Variants in SLC9B1 observed in about 807,000 individuals in gnomAD.
SLC9B1 encodes sodium/hydrogen exchanger 9B1.
A neutral mutation model predicts 51.7 loss-of-function variants in SLC9B1; 32 were observed. The ratio of observed to expected loss-of-function variants is 0.62; its 90% CI spans 0.47 to 0.83. The LOEUF is 0.83. SLC9B1 is among the 40% of genes least tolerant of loss of function. The pLI is 0.00. For synonymous variants in SLC9B1, 145 were observed against 212.7 expected (o/e 0.68, Z 2.77); for missense variants, 406 against 613.2 (o/e 0.66, Z 3.57).
Position 103,019,648 on chromosome 4 carries a change from C to A in SLC9B1, c.-51G>T, listed in dbSNP as rs893756154. 2 of 985,372 alleles carry A rather than the reference C, an allele frequency of 2.0e-6. No homozygotes were observed. The highest frequency in any genetic ancestry group is 3.5e-5 in the African/African-American group (2 of 57,252). The allele number at this position is 985,372 out of a possible 1,614,324, so 61.0% of individuals were successfully genotyped here. The stretch of plus-strand genomic sequence containing the variant: ...CTGGCCCGGGAGCGGCCCAGGAGCC[C>A]AGTGACCGTTGCGTAAGCCACGCGC... On this transcript the variant is annotated 5_prime_UTR_variant, in exon 1 of 12. Coordinates refer to ENST00000296422, the MANE Select transcript of SLC9B1 (RefSeq NM_139173.4).
chr4:102,980,400 T>C (rs992103682), intron 3 of SLC9B1, among the ~76,000 whole-genome samples: 1 of 152,210 alleles, frequency 6.6e-6, no homozygotes, highest in Non-Finnish European at 1.5e-5. Flanking sequence ...ATACCATGGA[T>C]ACTATGCAGC....
At chr4:102,940,005 G>A (rs1736910534) in intron 6 of SLC9B1, among the ~76,000 whole-genome samples, 2 of 152,184 alleles carry the variant, frequency 1.3e-5, no homozygotes, top group Admixed American at 1.3e-4. Flanking sequence ...CCTAGCCAGT[G>A]CAATTAGGCA....
chr4:102,910,574 C>A lies in SLC9B1; in HGVS notation c.951G>T (p.Leu317Phe). Residue 317 changes from leucine to phenylalanine, a missense_variant, in exon 9 of 12, where the codon TTG becomes TTT. By Grantham distance (22) the Leu-to-Phe change is conservative. Coordinates refer to ENST00000296422, the MANE Select transcript of SLC9B1 (RefSeq NM_139173.4). ...TAGTCAAAACAAGGAATCCTCTCTT[C>A]AATGTAAGTTTTTTCTAGAATTAGA... Reference protein sequence around the residue: ...FPSEDQKKLTLKRGFLVLTMC... With the variant: ...FPSEDQKKLTFKRGFLVLTMC... 1.4e-6 allele frequency: 2 copies of A among 1,459,224 alleles called. No individual in the cohort carries two copies. Among genetic ancestry groups the A allele is most frequent in the African/African-American group, 1.5e-5 (1 of 68,354 alleles). 90.4% of individuals were successfully genotyped at this position (1,459,224 alleles called of 1,614,324 possible).
At chr4:102,975,172 T>A (rs1014971070) in intron 3 of SLC9B1, among the ~76,000 whole-genome samples, 1 of 152,090 alleles carries the variant, frequency 6.6e-6, no homozygotes, top group Non-Finnish European at 1.5e-5. Flanking sequence ...TAGCTAATTT[T>A]AAAAAAGTTT....
chr4:103,007,392 C>A (rs1476024749), intron 1 of SLC9B1, among the ~76,000 whole-genome samples: 1 of 151,928 alleles, frequency 6.6e-6, no homozygotes, highest in Non-Finnish European at 1.5e-5. Context: ...AAGAAAATAC[C>A]CTAGGAATAC....
At chr4:102,955,843 G>GAGAAAGAAAGAA (rs56088004) in intron 3 of SLC9B1, among the ~76,000 whole-genome samples, 331 of 106,834 alleles carry the variant, frequency 3.1e-3, no homozygotes, top group Middle Eastern at 4.4e-3. Context: ...GAAAGAGAGA[G>GAGAAAGAAAGAA]AGAAAGAAAG....
intron 1 of SLC9B1, among the ~76,000 whole-genome samples, chr4:103,007,817 C>A (rs1740870658): frequency 2.0e-5 from 3 of 151,998 alleles, no homozygotes; most frequent in Admixed American, 2.0e-4. Context: ...GTCTTGAACT[C>A]CTGGGCTCAA....
chr4:102,922,903 G>GCCTA (rs1735955193), intron 7 of SLC9B1, among the ~76,000 whole-genome samples: 2 of 152,100 alleles, frequency 1.3e-5, no homozygotes, highest in South Asian at 4.1e-4. Flanking sequence ...CTGAAATTGA[G>GCCTA]GCAATAATTA....
intron 1 of SLC9B1, among the ~76,000 whole-genome samples, chr4:102,997,597 T>G (rs1740294675): frequency 6.6e-6 from 1 of 152,182 alleles, no homozygotes; most frequent in Non-Finnish European, 1.5e-5. Context: ...ACATACACAG[T>G]CAGCAAATAT....
At chr4:102,980,634 C>T (rs1430917986) in intron 3 of SLC9B1, among the ~76,000 whole-genome samples, 2 of 152,034 alleles carry the variant, frequency 1.3e-5, no homozygotes, top group Non-Finnish European at 2.9e-5. Flanking sequence ...GGATGCTGAG[C>T]TTAATACCTA....
intron 7 of SLC9B1, among the ~76,000 whole-genome samples, chr4:102,928,440 G>A (rs1255165152): frequency 1.3e-5 from 2 of 152,158 alleles, no homozygotes; most frequent in Non-Finnish European, 2.9e-5. Context: ...ACTATCAGCA[G>A]TTCGGTCAAA....
intron 7 of SLC9B1, among the ~76,000 whole-genome samples, chr4:102,918,216 G>A (rs887301915): frequency 1.1e-4 from 16 of 151,178 alleles, no homozygotes; most frequent in African/African-American, 3.9e-4. Flanking sequence ...GAACAAAAGA[G>A]AAGACATTGC....
intron 11 of SLC9B1, among the ~76,000 whole-genome samples, chr4:102,895,010 C>T (rs1344867769): frequency 6.6e-6 from 1 of 152,164 alleles, no homozygotes; most frequent in African/African-American, 2.4e-5. Flanking sequence ...ATTAGAATCA[C>T]AAAAGCATTT....
At chr4:103,016,115 CA>C (rs1741307893) in intron 1 of SLC9B1, among the ~76,000 whole-genome samples, 1 of 101,922 alleles carries the variant, frequency 9.8e-6, no homozygotes, top group Admixed American at 1.3e-4. Flanking sequence ...GCCTGGACAA[CA>C]AGAGCCAAAC....
At chr4:102,895,950 T>C (rs372481065), downstream of SLC9B1, among the ~76,000 whole-genome samples, 2 of 152,326 alleles carry the variant, frequency 1.3e-5, no homozygotes, top group East Asian at 3.9e-4. Flanking sequence ...AAAAGCCAAC[T>C]GGCAGCAAAC....
At position 102,901,108 on chromosome 4, in the gene SLC9B1, G is replaced by A; in HGVS notation, c.*9C>T. 1 of 1,610,426 alleles carries A rather than the reference G, an allele frequency of 6.2e-7. No homozygotes were observed. Among genetic ancestry groups the A allele is most frequent in the South Asian group, 1.1e-5 (1 of 90,896 alleles). ...AAAAGAAGCAGGCAGATGATGACAG[G>A]TAAACTTTTTAATGATGTTCTAATG... On this transcript the variant is annotated 3_prime_UTR_variant, in exon 12 of 12. Transcript: ENST00000296422.
intron 6 of SLC9B1, among the ~76,000 whole-genome samples, chr4:102,936,415 A>T (rs1736725781): frequency 6.6e-6 from 1 of 152,226 alleles, no homozygotes; most frequent in Non-Finnish European, 1.5e-5. Context: ...ACCAGGATTA[A>T]ATGACAGACA....
At chr4:103,016,248 C>T (rs1741328792) in intron 1 of SLC9B1, among the ~76,000 whole-genome samples, 1 of 151,152 alleles carries the variant, frequency 6.6e-6, no homozygotes, top group African/African-American at 2.4e-5. Context: ...TCAAAGACTT[C>T]ACTCCTAAAA....
At chr4:102,931,454 A>G (rs1009337736) in intron 7 of SLC9B1, among the ~76,000 whole-genome samples, 6 of 152,174 alleles carry the variant, frequency 3.9e-5, no homozygotes, top group African/African-American at 1.2e-4. Context: ...TCTTTTTCTT[A>G]TTTATTTATA....
Sources: gnomAD v4.1 joint callset for allele counts (sites outside exome capture counted in the v4.1 genomes callset) on GRCh38, gnomAD v4.1.1 for gene constraint, MANE v1.5 for transcripts, NCBI Gene and HGNC (gene_info 2026-07-23, HGNC 2026-07-21) for gene names.